BDNF: variants seen among roughly 807,000 people sequenced by gnomAD.
BDNF encodes brain derived neurotrophic factor.
In BDNF, 1 loss-of-function variant was observed where a neutral mutation model predicts 19.5. That is an observed-to-expected ratio of 0.05 (90% confidence interval 0.02 to 0.24). BDNF has a LOEUF of 0.24. BDNF is among the 10% of genes least tolerant of loss of function. The pLI is 1.00. For synonymous variants in BDNF, 100 were observed against 121.6 expected, an observed-to-expected ratio of 0.82 and a Z score of 1.17; for missense variants, 195 against 317.6, an observed-to-expected ratio of 0.61 and a Z score of 2.93.
chr11:27,701,331 G>C, upstream of BDNF: 2 of 1,099,092 alleles, frequency 1.8e-6, no homozygotes, highest in Non-Finnish European at 2.2e-6. Context: ...TAACCATCAA[G>C]GCAGCTGCTC....
chr11:27,670,430 G>T (rs1472839907), intron 1 of BDNF, among the ~76,000 whole-genome samples: 3 of 152,142 alleles, frequency 2.0e-5, no homozygotes, highest in Non-Finnish European at 4.4e-5. Context: ...AAACTAAAGA[G>T]CTTCTGCACA....
chr11:27,684,273 T>C (rs1344164521), intron 1 of BDNF, among the ~76,000 whole-genome samples: 1 of 152,222 alleles, frequency 6.6e-6, no homozygotes, highest in Admixed American at 6.5e-5. Context: ...TTTGCTGAAG[T>C]TGCTTATCAG....
In BDNF at chr11:27,697,179, A is replaced by AGT. The variant is rs1463583516; in HGVS notation, c.-22+2984_-22+2985insAC. Among the ~76,000 whole-genome samples the AGT allele has an allele frequency of 1.1e-3, 161 of 152,066 alleles. 1 individual carries two copies. The highest frequency in any genetic ancestry group is 1.7e-3 in the Non-Finnish European group (118 of 67,968). On this transcript the variant is annotated intron_variant, in intron 1 of 1. Transcript: ENST00000356660. ...CACACACACACAGAGAGAGAGAGAG[A>AGT]GAGAGAGAGAGAGAGAGCACCCCAG... is the stretch of plus-strand genomic sequence containing the variant.
At chr11:27,685,908 A>G (rs1017720567) in intron 1 of BDNF, among the ~76,000 whole-genome samples, 2 of 152,206 alleles carry the variant, frequency 1.3e-5, no homozygotes, top group African/African-American at 4.8e-5. Context: ...GTAGATGTCT[A>G]TTAGTTCCAC....
intron 1 of BDNF, chr11:27,720,651 T>G (rs1860713016): frequency 3.0e-6 from 3 of 985,300 alleles, no homozygotes; most frequent in Non-Finnish European, 3.6e-6. Context: ...TACCTGGGGG[T>G]ACCGCCACCT....
chr11:27,669,297 G>C (rs1300188112), intron 1 of BDNF, among the ~76,000 whole-genome samples: 1 of 152,124 alleles, frequency 6.6e-6, no homozygotes, highest in Non-Finnish European at 1.5e-5. Context: ...CACAGCCAAT[G>C]TCATACTGAA....
At chr11:27,677,406 C>T (rs1351503297) in intron 1 of BDNF, 3 of 152,190 alleles carry the variant, frequency 2.0e-5, no homozygotes, top group East Asian at 1.9e-4. Flanking sequence ...AGTGATAAAA[C>T]AAGGTGTAAA....
intron 1 of BDNF, among the ~76,000 whole-genome samples, chr11:27,662,341 TAGC>T (rs1853596310): frequency 6.6e-6 from 1 of 152,176 alleles, no homozygotes; most frequent in Non-Finnish European, 1.5e-5. Flanking sequence ...AAAAATGTAA[TAGC>T]AGTACTCAGT....
chr11:27,720,210 TG>T, intron 1 of BDNF: 3 of 544,880 alleles, frequency 5.5e-6, no homozygotes, highest in Non-Finnish European at 7.0e-6. Context: ...CAATTCAAAC[TG>T]GGCAAATACC....
chr11:27,716,804 G>A (rs1860531277), intron 1 of BDNF, among the ~76,000 whole-genome samples: 1 of 152,196 alleles, frequency 6.6e-6, no homozygotes, highest in Non-Finnish European at 1.5e-5. Context: ...AATATGCTCA[G>A]TTAGACATCA....
In BDNF at chr11:27,693,482, C is replaced by T. The variant is rs1045645688; in HGVS notation, c.-22+6682G>A. Among the ~76,000 whole-genome samples, 4 of 152,288 alleles carry T rather than the reference C, an allele frequency of 2.6e-5. No individual in the cohort carries two copies. In the East Asian group the frequency reaches 7.7e-4, roughly 29 times the overall value. On this transcript the variant is annotated intron_variant, in intron 1 of 1. Transcript: ENST00000356660. ...TCATTCAACAGAATGTCTGCAATATCTGCTGGCTTTATGTTTCATATGATA... is the reference window on the plus strand; with the variant it reads ...TCATTCAACAGAATGTCTGCAATATTTGCTGGCTTTATGTTTCATATGATA...
intron 1 of BDNF, among the ~76,000 whole-genome samples, chr11:27,670,346 T>G (rs1287024343): frequency 6.6e-6 from 1 of 152,184 alleles, no homozygotes; most frequent in Non-Finnish European, 1.5e-5. Context: ...GACATAGGCA[T>G]GGACAAGGAC....
chr11:27,702,683 A>G (rs1327450518), upstream of BDNF, among the ~76,000 whole-genome samples: 7 of 152,310 alleles, frequency 4.6e-5, no homozygotes, highest in East Asian at 1.3e-3. Flanking sequence ...AGTTCAATTT[A>G]CCTAAGGGTT....
At chr11:27,704,082 G>T (rs1590476406), upstream of BDNF, among the ~76,000 whole-genome samples, 1 of 152,124 alleles carries the variant, frequency 6.6e-6, no homozygotes, top group African/African-American at 2.4e-5. Context: ...AGAATATAGA[G>T]CATGCATTTC....
intron 1 of BDNF, among the ~76,000 whole-genome samples, chr11:27,708,449 T>C (rs1590485215): frequency 6.6e-6 from 1 of 152,362 alleles, no homozygotes; most frequent in East Asian, 1.9e-4. Flanking sequence ...CAAAAGTATG[T>C]ACAAGTTTGA....
At chr11:27,702,282 T>C (rs1447455373), upstream of BDNF, among the ~76,000 whole-genome samples, 1 of 152,140 alleles carries the variant, frequency 6.6e-6, no homozygotes, top group Non-Finnish European at 1.5e-5. Flanking sequence ...AAAATGAAGG[T>C]CCCTCCTCCT....
chr11:27,708,989 TG>T (rs1860219050), intron 1 of BDNF, among the ~76,000 whole-genome samples: 1 of 151,980 alleles, frequency 6.6e-6, no homozygotes, highest in Non-Finnish European at 1.5e-5. Flanking sequence ...CCACCACACT[TG>T]GCTCATTTTT....
intron 1 of BDNF, chr11:27,659,646 T>TGTGTGTGTGC (rs1435542080): frequency 1.0e-6 from 1 of 995,666 alleles, no homozygotes; most frequent in South Asian, 4.7e-5. Flanking sequence ...TGTGTGTGTG[T>TGTGTGTGTGC]GTGCGCGCGC....
chr11:27,701,352 T>A, upstream of BDNF: 1 of 1,083,768 alleles, frequency 9.2e-7, no homozygotes, highest in Non-Finnish European at 1.1e-6. Context: ...CGGGAAAGAC[T>A]TCGGCCCCAA....
Sources: gnomAD v4.1 joint callset for allele counts (sites outside exome capture counted in the v4.1 genomes callset) on GRCh38, gnomAD v4.1.1 for gene constraint, MANE v1.5 for transcripts, NCBI Gene and HGNC (gene_info 2026-07-23, HGNC 2026-07-21) for gene names.